Variants in PTPRK observed in about 807,000 individuals in gnomAD.
PTPRK encodes protein tyrosine phosphatase receptor type K.
Under a neutral mutation model 178.0 loss-of-function variants are expected in PTPRK, and 75 were observed. That is an observed-to-expected ratio of 0.42 (90% confidence interval 0.35 to 0.51). The LOEUF is 0.51. Ranked by LOEUF, PTPRK falls within the 20% of genes least tolerant of loss-of-function variation. The pLI is 0.02. For missense variants in PTPRK, 1,441 were observed against 1,797.8 expected (o/e 0.80, Z 3.59); for synonymous variants, 637 against 620.6 (o/e 1.03, Z -0.39).
chr6:128,433,842 T>TTAA (rs201558224), intron 1 of PTPRK, among the ~76,000 whole-genome samples: 1 of 150,792 alleles, frequency 6.6e-6, no homozygotes, highest in Admixed American at 6.6e-5. Context: ...TTTTTTTTTT[T>TTAA]ACAGACATTT....
At chr6:128,448,798 A>C (rs1177415873) in intron 1 of PTPRK, among the ~76,000 whole-genome samples, 8 of 152,194 alleles carry the variant, frequency 5.3e-5, no homozygotes, top group African/African-American at 1.9e-4. Context: ...GGCAAAGATG[A>C]CATCAGCTTC....
chr6:128,408,652 C>G (rs138789483), intron 1 of PTPRK, among the ~76,000 whole-genome samples: 5 of 152,160 alleles, frequency 3.3e-5, no homozygotes, highest in African/African-American at 1.2e-4. Flanking sequence ...TCACTTCTAC[C>G]CTACATAAAT....
chr6:128,293,966 A>C (rs74373234), intron 3 of PTPRK, among the ~76,000 whole-genome samples: 8,015 of 152,194 alleles, frequency 0.053, 706 homozygotes, highest in African/African-American at 0.18. Context: ...TAAGGGAAAC[A>C]TGCTTGATAT....
At chr6:128,039,505 A>G (rs1463940652) in intron 13 of PTPRK, among the ~76,000 whole-genome samples, 3 of 152,170 alleles carry the variant, frequency 2.0e-5, no homozygotes, top group Non-Finnish European at 2.9e-5. Context: ...TGGATTAGTG[A>G]TTTGTTTTAT....
chr6:128,505,678 C>A (rs1047302190), intron 1 of PTPRK, among the ~76,000 whole-genome samples: 2 of 152,018 alleles, frequency 1.3e-5, no homozygotes, highest in African/African-American at 4.8e-5. Flanking sequence ...AAGTGTTACA[C>A]AAGGAAAAGA....
chr6:128,391,303 T>G (rs1413248519), intron 2 of PTPRK, among the ~76,000 whole-genome samples: 1 of 152,080 alleles, frequency 6.6e-6, no homozygotes, highest in Non-Finnish European at 1.5e-5. Flanking sequence ...CTCTCCCCAT[T>G]ACCACCAAAT....
At chr6:128,079,005 G>A (rs1784336615) in intron 10 of PTPRK, 87 bp from the exon 11 acceptor site, 4 of 802,226 alleles carry the variant, frequency 5.0e-6, no homozygotes, top group African/African-American at 1.7e-5. Flanking sequence ...TCTTAAGTTA[G>A]GAAAAAAAAA....
chr6:128,027,613 TTTGAGA>T (rs1426773740), intron 13 of PTPRK, among the ~76,000 whole-genome samples: 2 of 152,110 alleles, frequency 1.3e-5, no homozygotes, highest in African/African-American at 4.8e-5. Context: ...TTTTTTTTCC[TTTGAGA>T]CAGAGTCTTG....
chr6:128,359,884 T>C (rs1562353970), intron 2 of PTPRK, among the ~76,000 whole-genome samples: 2 of 152,248 alleles, frequency 1.3e-5, no homozygotes. Flanking sequence ...AATAATTCAG[T>C]AGCTTGCTCA....
At chr6:128,358,926 G>A (rs1834326405) in intron 2 of PTPRK, among the ~76,000 whole-genome samples, 1 of 152,298 alleles carries the variant, frequency 6.6e-6, no homozygotes, top group African/African-American at 2.4e-5. Context: ...GAAGGCAGAA[G>A]GAGAAAAGTG....
At chr6:128,419,565 C>T (rs1843230764) in intron 1 of PTPRK, among the ~76,000 whole-genome samples, 1 of 150,944 alleles carries the variant, frequency 6.6e-6, no homozygotes, top group African/African-American at 2.4e-5. Context: ...GCAGAGATTG[C>T]GCCACTGCAC....
At chr6:128,480,157 C>T (rs9491965) in intron 1 of PTPRK, among the ~76,000 whole-genome samples, 32,495 of 152,046 alleles carry the variant, frequency 0.21, 3,772 homozygotes, top group African/African-American at 0.26. Flanking sequence ...TTGTTCTCAT[C>T]CACTTTCTGT....
chr6:128,028,283 CAA>C (rs985505947), intron 13 of PTPRK, among the ~76,000 whole-genome samples: 2 of 152,082 alleles, frequency 1.3e-5, no homozygotes, highest in African/African-American at 4.8e-5. Context: ...AAGGAAAAAG[CAA>C]AAGTGATAAC....
intron 6 of PTPRK, among the ~76,000 whole-genome samples, chr6:128,197,515 A>T (rs943693834): frequency 6.6e-6 from 1 of 152,184 alleles, no homozygotes; most frequent in Non-Finnish European, 1.5e-5. Flanking sequence ...ATCTACTTTC[A>T]AAATTTATTT....
At chr6:128,456,810 T>G (rs1848451774) in intron 1 of PTPRK, among the ~76,000 whole-genome samples, 1 of 152,144 alleles carries the variant, frequency 6.6e-6, no homozygotes, top group Non-Finnish European at 1.5e-5. Context: ...CTTCATTGGC[T>G]TTTTACAGAT....
intron 1 of PTPRK, among the ~76,000 whole-genome samples, chr6:128,503,382 AC>A (rs1438056034): frequency 6.6e-6 from 1 of 152,110 alleles, no homozygotes; most frequent in Non-Finnish European, 1.5e-5. Flanking sequence ...TTAACTAATC[AC>A]CCAGGAGTGA....
chr6:128,323,660 G>A lies in PTPRK; in HGVS notation c.224-1350C>T, dbSNP rs543957876. 1.8e-4 allele frequency among the ~76,000 whole-genome samples: 28 copies of A among 152,276 alleles called. No individual in the cohort carries two copies. In the South Asian group the frequency reaches 5.6e-3, roughly 30 times the overall value. On this transcript the variant is annotated intron_variant, in intron 2 of 29. Coordinates refer to ENST00000368226, the MANE Select transcript of PTPRK (RefSeq NM_002844.4). Reference sequence around the variant, plus strand: ...CTATTTGAGAAGCCAAATTTCAAATGTGACCGATTGCCACTGAGTGGTAGG... The same window carrying A: ...CTATTTGAGAAGCCAAATTTCAAATATGACCGATTGCCACTGAGTGGTAGG...
chr6:128,151,694 C>T (rs139172369), intron 7 of PTPRK, among the ~76,000 whole-genome samples: 12 of 151,988 alleles, frequency 7.9e-5, no homozygotes, highest in African/African-American at 2.2e-4. Context: ...CTGTAGAGAA[C>T]GTGGTATCTT....
At chr6:127,991,685 C>A (rs1445243173) in intron 19 of PTPRK, among the ~76,000 whole-genome samples, 2 of 150,028 alleles carry the variant, frequency 1.3e-5, no homozygotes, top group Non-Finnish European at 3.0e-5. Flanking sequence ...CACTTTAATG[C>A]ATCTTCAAAT....
Sources: gnomAD v4.1 joint callset for allele counts (sites outside exome capture counted in the v4.1 genomes callset) on GRCh38, gnomAD v4.1.1 for gene constraint, MANE v1.5 for transcripts, NCBI Gene and HGNC (gene_info 2026-07-23, HGNC 2026-07-21) for gene names.